The following CHRNA7 variants were observed in gnomAD, a reference collection of about 807,000 sequenced individuals.
The protein encoded by CHRNA7 is cholinergic receptor nicotinic alpha 7 subunit.
CHRNA7 carries 17 observed loss-of-function variants against 48.0 expected under a neutral mutation model. That is an observed-to-expected ratio of 0.35 (90% CI 0.24 to 0.53). CHRNA7 has a LOEUF of 0.53. Among genes scored for constraint, CHRNA7 ranks in the 20% least tolerant of loss-of-function variants. The pLI is 0.92. For synonymous variants in CHRNA7, 75 were observed against 242.3 expected (o/e 0.31, Z 6.41); for missense variants, 155 against 577.7 (o/e 0.27, Z 7.50).
rs1024529392 is a variant in CHRNA7 at position 32,050,281 on chromosome 15, A to C, written c.195+19244A>C. On this transcript the variant is annotated intron_variant, in intron 2 of 9. Transcript: ENST00000306901. ...CATTCTCCCCGTCATTTTCAGGTACACCAATCAGATGCAGATTTGGTCTTT... is the reference window on the plus strand; with the variant it reads ...CATTCTCCCCGTCATTTTCAGGTACCCCAATCAGATGCAGATTTGGTCTTT... Among the ~76,000 whole-genome samples the C allele has an allele frequency of 3.3e-5, 5 of 152,280 alleles. No individual in the cohort carries two copies. The South Asian group carries it at 8.3e-4, about 25-fold the overall frequency.
chr15:32,151,714 A>G (rs1365992297), intron 4 of CHRNA7, among the ~76,000 whole-genome samples: 1 of 152,068 alleles, frequency 6.6e-6, no homozygotes, highest in Non-Finnish European at 1.5e-5. Context: ...CTTTTTTCTA[A>G]TTGCTATATC....
rs34476605 is a variant in CHRNA7, at chr15:32,101,283, C to CTTTT, written c.196-8_196-5dup. ...GTAAACCATATTATTTATGCTGCTGCTTTTTTTTTTTTTTTGAAGGATGAG... is the reference window on the plus strand; with the variant it reads ...GTAAACCATATTATTTATGCTGCTGCTTTTTTTTTTTTTTTTTTTGAAGGATGAG... On this transcript the variant is annotated intron_variant, in intron 2 of 9. Coordinates refer to ENST00000306901, the MANE Select transcript of CHRNA7 (RefSeq NM_000746.6). 6.4e-4 allele frequency: 934 copies of CTTTT among 1,451,178 alleles called. 4 individuals carry two copies. Among genetic ancestry groups the CTTTT allele is most frequent in the South Asian group, 1.4e-3 (111 of 76,774 alleles). 89.9% of individuals were successfully genotyped at this position (1,451,178 alleles called of 1,614,324 possible).
intron 4 of CHRNA7, among the ~76,000 whole-genome samples, chr15:32,122,238 T>C (rs1011590914): frequency 5.7e-4 from 87 of 152,160 alleles, no homozygotes; most frequent in African/African-American, 2.0e-3. Context: ...GGCCAGAACC[T>C]GGGCAGAACC....
At chr15:32,088,325 T>A (rs888680191) in intron 2 of CHRNA7, among the ~76,000 whole-genome samples, 3 of 152,214 alleles carry the variant, frequency 2.0e-5, no homozygotes, top group African/African-American at 7.2e-5. Context: ...ATGGTTTGTT[T>A]TTCCATTCAC....
At chr15:32,112,411 G>C (rs2050777752) in intron 4 of CHRNA7, 1 of 455,896 alleles carries the variant, frequency 2.2e-6, no homozygotes, top group African/African-American at 2.0e-5. Flanking sequence ...AACTTCCCCT[G>C]CAGGGTATAT....
intron 2 of CHRNA7, among the ~76,000 whole-genome samples, chr15:32,079,783 A>G (rs1039496257): frequency 4.3e-5 from 2 of 46,930 alleles, no homozygotes; most frequent in Non-Finnish European, 8.5e-5. Context: ...ACAAAATTAG[A>G]AAAAAAAAAA....
intron 2 of CHRNA7, among the ~76,000 whole-genome samples, chr15:32,044,865 A>G (rs886472659): frequency 9.9e-5 from 15 of 152,202 alleles, no homozygotes; most frequent in Non-Finnish European, 2.1e-4. Flanking sequence ...CAATTTCAAC[A>G]GTGCTGAGAT....
chr15:32,063,376 C>T (rs1242787648), intron 2 of CHRNA7, among the ~76,000 whole-genome samples: 1 of 152,172 alleles, frequency 6.6e-6, no homozygotes, highest in Admixed American at 6.5e-5. Context: ...TTATGTGACA[C>T]ATAATTGTCC....
rs372772035 is a variant in CHRNA7, at chr15:32,075,503, TTTC to T, written c.196-25797_196-25795del. ...ATGAGTGTAAAATTCTTCATAGTAC[TTTC>T]TTATTATCCTTTGATATCTGCAGGA... On this transcript the variant is annotated intron_variant, in intron 2 of 9. Coordinates refer to ENST00000306901, the MANE Select transcript of CHRNA7 (RefSeq NM_000746.6). 3.0e-3 allele frequency among the ~76,000 whole-genome samples: 462 copies of T among 152,308 alleles called. 4 individuals are homozygous for T. The highest frequency in any genetic ancestry group is 8.2e-3 in the African/African-American group (339 of 41,586).
intron 4 of CHRNA7, among the ~76,000 whole-genome samples, chr15:32,112,860 GGGCC>G (rs3060514): frequency 0.23 from 34,413 of 151,948 alleles, 4,089 homozygotes; most frequent in Middle Eastern, 0.31. Flanking sequence ...TTGCATCTGG[GGGCC>G]GGCCACATTT....
chr15:32,049,879 A>T (rs2141185508), intron 2 of CHRNA7, among the ~76,000 whole-genome samples: 1 of 152,112 alleles, frequency 6.6e-6, no homozygotes, highest in Admixed American at 6.5e-5. Flanking sequence ...TTGTCTGTAA[A>T]GTATTTTATT....
At chr15:32,044,838 AAG>A (rs1489572683) in intron 2 of CHRNA7, among the ~76,000 whole-genome samples, 4 of 152,198 alleles carry the variant, frequency 2.6e-5, no homozygotes, top group African/African-American at 7.2e-5. Context: ...CCTCAAGAAA[AAG>A]AATTATCTGG....
At chr15:32,139,328 A>G (rs745957739) in intron 4 of CHRNA7, among the ~76,000 whole-genome samples, 1 of 152,368 alleles carries the variant, frequency 6.6e-6, no homozygotes, top group Non-Finnish European at 1.5e-5. Context: ...CAACATATGT[A>G]TGTAGGTTTC....
chr15:32,147,629 A>G (rs781734462), intron 4 of CHRNA7, among the ~76,000 whole-genome samples: 2 of 152,056 alleles, frequency 1.3e-5, no homozygotes, highest in Non-Finnish European at 2.9e-5. Context: ...TCTTGAATGC[A>G]TTTTTCTGGA....
intron 3 of CHRNA7, chr15:32,101,555 A>G (rs1014344468): frequency 7.1e-6 from 4 of 567,246 alleles, no homozygotes; most frequent in African/African-American, 5.8e-5. Flanking sequence ...TGCTCAACAC[A>G]TGCACAAGAT....
chr15:32,101,050 A>G, intron 2 of CHRNA7: 2 of 414,000 alleles, frequency 4.8e-6, no homozygotes, highest in Non-Finnish European at 8.4e-6. Flanking sequence ...GTAAGGTTGC[A>G]GAGTTTTAAT....
intron 2 of CHRNA7, among the ~76,000 whole-genome samples, chr15:32,074,637 ATAT>A (rs113812797): frequency 0.84 from 119,375 of 141,646 alleles, 51,530 homozygotes; most frequent in Non-Finnish European, 0.93. Context: ...CACATTATTA[ATAT>A]TATTATTATT....
chr15:32,117,440 G>A (rs1044289995), intron 4 of CHRNA7, among the ~76,000 whole-genome samples: 1 of 152,144 alleles, frequency 6.6e-6, no homozygotes, highest in African/African-American at 2.4e-5. Flanking sequence ...GATGATTGTC[G>A]ACATGGTCTG....
intron 2 of CHRNA7, among the ~76,000 whole-genome samples, chr15:32,086,961 A>G (rs1178828092): frequency 6.6e-6 from 1 of 152,136 alleles, no homozygotes; most frequent in Non-Finnish European, 1.5e-5. Flanking sequence ...CTCGACTGCA[A>G]AGTTACTCTT....
Sources: allele counts gnomAD v4.1 joint callset (sites outside exome capture counted in the v4.1 genomes callset), GRCh38; gene constraint gnomAD v4.1.1; transcripts MANE v1.5; gene names NCBI Gene and HGNC (gene_info 2026-07-23, HGNC 2026-07-21).